Variants in FHAD1 observed in about 807,000 individuals in gnomAD.
FHAD1 encodes forkhead associated phosphopeptide binding domain 1.
Under a neutral mutation model 191.3 loss-of-function variants are expected in FHAD1, and 146 were observed. The observed-to-expected ratio is 0.76, with a 90% CI of 0.67 to 0.88. The LOEUF (loss-of-function observed/expected upper bound fraction) is 0.88. FHAD1 is among the 40% of genes least tolerant of loss of function. The pLI is 0.00. For synonymous variants in FHAD1, 616 were observed against 672.3 expected, an observed-to-expected ratio of 0.92 and a Z score of 1.29; for missense variants, 1,635 against 1,785.8, an observed-to-expected ratio of 0.92 and a Z score of 1.52.
chr1:15,359,721 C>T (rs554295503), intron 21 of FHAD1, among the ~76,000 whole-genome samples: 41 of 152,054 alleles, frequency 2.7e-4, no homozygotes, highest in East Asian at 5.8e-4. Flanking sequence ...GAGGCCGAGG[C>T]GGGCGGATCA....
chr1:15,268,566 G>A (rs12049276), intron 2 of FHAD1, among the ~76,000 whole-genome samples: 30,107 of 116,422 alleles, frequency 0.26, 3,684 homozygotes, highest in East Asian at 0.43. Flanking sequence ...CTGAGGAATC[G>A]CCACACTGAC....
intron 28 of FHAD1, among the ~76,000 whole-genome samples, chr1:15,376,436 C>G (rs1273156814): frequency 6.6e-6 from 1 of 152,190 alleles, no homozygotes; most frequent in Non-Finnish European, 1.5e-5. Flanking sequence ...GCTAATAGAT[C>G]ATGTTATGCC....
chr1:15,249,599 C>T (rs1016281633), intron 1 of FHAD1, among the ~76,000 whole-genome samples: 4 of 152,172 alleles, frequency 2.6e-5, no homozygotes, highest in African/African-American at 9.7e-5. Flanking sequence ...TCATAGGCTT[C>T]GGAATTTACA....
chr1:15,355,261 G>C (rs995195948), intron 20 of FHAD1, among the ~76,000 whole-genome samples: 8 of 151,706 alleles, frequency 5.3e-5, no homozygotes, highest in African/African-American at 1.5e-4. Context: ...AAGTAGACAG[G>C]TGACATTACC....
At chr1:15,389,450 A>AAAAAAAAAAAAAAAAAAAAAAAAAAAAC (rs1703268224) in intron 32 of FHAD1, among the ~76,000 whole-genome samples, 1 of 147,514 alleles carries the variant, frequency 6.8e-6, no homozygotes, top group African/African-American at 2.6e-5. Context: ...CCTGTCTCAA[A>AAAAAAAAAAAAAAAAAAAAAAAAAAAAC]AAAAAAAAAA....
At chr1:15,356,913 T>A (rs11582182) in intron 20 of FHAD1, among the ~76,000 whole-genome samples, 7,288 of 151,964 alleles carry the variant, frequency 0.048, 455 homozygotes, top group African/African-American at 0.14. Context: ...TTGCGTAGAA[T>A]GTCTCAATGT....
chr1:15,329,379 C>G lies in FHAD1; in HGVS notation c.1744C>G (p.Leu582Val). Residue 582 changes from leucine to valine, a missense_variant, in exon 14 of 34, where the codon CTG becomes GTG. Leu to Val is a conservative substitution (Grantham distance 32). Coordinates refer to ENST00000688493, the MANE Select transcript of FHAD1 (RefSeq NM_001391957.1). The surrounding 1 kb of genome is among the most constrained non-coding windows in gnomAD (Gnocchi z 5.0). ...CMKISCCSHD[L>V]KKEVDLLQHL... is the part of the protein sequence containing the mutation. The stretch of plus-strand genomic sequence containing the variant: ...GAAAATATCCTGTTGCAGCCATGAC[C>G]TGAAGAAGGAGGTCGACCTTCTTCA... The G allele has an allele frequency of 1.3e-6, 2 of 1,549,778 alleles. No individual in the cohort carries two copies. Among genetic ancestry groups the G allele is most frequent in the Non-Finnish European group, 8.7e-7 (1 of 1,145,674 alleles).
chr1:15,297,481 G>C (rs1416849587), intron 5 of FHAD1, among the ~76,000 whole-genome samples: 1 of 152,216 alleles, frequency 6.6e-6, no homozygotes, highest in Non-Finnish European at 1.5e-5. Context: ...TCTGTAAGGA[G>C]CAGAACCACC....
Position 15,329,325 on chromosome 1 carries a change from C to A in FHAD1, c.1711-21C>A. 1 of 1,527,212 alleles carries A rather than the reference C, an allele frequency of 6.5e-7. No individual in the cohort carries two copies. The highest frequency in any genetic ancestry group is 8.9e-7 in the Non-Finnish European group (1 of 1,129,316). 94.6% of individuals were successfully genotyped at this position (1,527,212 alleles called of 1,614,324 possible). A position where few individuals can be genotyped will look rare whatever the true frequency, so the allele number is the denominator to read the frequency against. On this transcript the variant is annotated intron_variant, in intron 13 of 33. Transcript: ENST00000688493. This position sits in a 1 kb window ranked among gnomAD's most constrained non-coding sequence, Gnocchi z 5.0. ...TTCTGGCCACAGGGCCTGGGCTCCT[C>A]ATGATCTCACCTCTTTGCAGGCTTG...
rs142406417 is a variant in FHAD1, at chr1:15,324,634, G to C, written c.1473+75G>C. 658 of 1,058,452 alleles carry C rather than the reference G, an allele frequency of 6.2e-4. 4 individuals are homozygous for C. In the African/African-American group the frequency reaches 9.5e-3, roughly 15 times the overall value. 65.6% of individuals were successfully genotyped at this position (1,058,452 alleles called of 1,614,324 possible). The stretch of plus-strand genomic sequence containing the variant: ...GCACCCAAGCAGCCAGTGGGGGTGA[G>C]AGAGGAGGACGCCCAAGGTAGAAAG... On this transcript the variant is annotated intron_variant, in intron 11 of 33. Transcript: ENST00000688493.
At chr1:15,255,660 G>A (rs1647678178) in intron 2 of FHAD1, among the ~76,000 whole-genome samples, 1 of 139,644 alleles carries the variant, frequency 7.2e-6, no homozygotes, top group Admixed American at 7.6e-5. Context: ...GATCTGCAGA[G>A]CCTGGATGGT....
chr1:15,289,730 T>A lies in FHAD1; in HGVS notation c.568+64T>A. ...TCACGGCCATGTGGATGGGTCTTGG[T>A]TTTGGTTTACTTTCTGATTCTAAAA... is the stretch of plus-strand genomic sequence containing the variant. On this transcript the variant is annotated intron_variant, in intron 4 of 33. Transcript: ENST00000688493. The surrounding 1 kb of genome is among the most constrained non-coding windows in gnomAD (Gnocchi z 4.2). The A allele has an allele frequency of 6.8e-7, 1 of 1,475,416 alleles. No individual in the cohort carries two copies. The highest frequency in any genetic ancestry group is 9.0e-7 in the Non-Finnish European group (1 of 1,108,874). The allele number at this position is 1,475,416 out of a possible 1,614,324, so 91.4% of individuals were successfully genotyped here.
chr1:15,246,850 G>A (rs1646101677), upstream of FHAD1, among the ~76,000 whole-genome samples: 1 of 152,038 alleles, frequency 6.6e-6, no homozygotes, highest in Non-Finnish European at 1.5e-5. Context: ...GCCTGTAACG[G>A]AAAGGACTAG....
chr1:15,377,730 G>C (rs558191096), intron 28 of FHAD1, among the ~76,000 whole-genome samples: 28 of 152,212 alleles, frequency 1.8e-4, no homozygotes, highest in African/African-American at 6.3e-4. Flanking sequence ...TACTCAGGAG[G>C]CTGAGGCTAG....
At chr1:15,270,566 A>G (rs1408882716) in intron 2 of FHAD1, among the ~76,000 whole-genome samples, 9 of 152,220 alleles carry the variant, frequency 5.9e-5, no homozygotes, top group Non-Finnish European at 1.5e-5. Flanking sequence ...TTACTCTAGT[A>G]TACATATTAA....
intron 2 of FHAD1, among the ~76,000 whole-genome samples, chr1:15,268,148 C>A (rs1241203248): frequency 8.7e-6 from 1 of 114,630 alleles, no homozygotes; most frequent in Non-Finnish European, 1.7e-5. Flanking sequence ...CTTCCCCCTC[C>A]CCCCACCCCA....
intron 22 of FHAD1, among the ~76,000 whole-genome samples, 154 bp from the exon 23 acceptor site, chr1:15,362,488 C>G (rs1270214978): frequency 1.3e-5 from 2 of 152,220 alleles, no homozygotes; most frequent in African/African-American, 4.8e-5. Context: ...GGGAGAGCCC[C>G]CAGCCTGTGA....
At chr1:15,246,498 G>A (rs1243452184), upstream of FHAD1, among the ~76,000 whole-genome samples, 1 of 100,384 alleles carries the variant, frequency 1.0e-5, no homozygotes, top group African/African-American at 3.0e-5. Flanking sequence ...CGGGAGATAG[G>A]ATTTGCACAT....
rs79890165 is a variant in FHAD1 at position 15,251,850 on chromosome 1, G to A, written c.66G>A (p.Arg22=). Residue 22 remains arginine (R), a synonymous_variant, in exon 2 of 34, where the codon AGG becomes AGA. Coordinates refer to ENST00000688493, the MANE Select transcript of FHAD1 (RefSeq NM_001391957.1). ...FVLNKSTTIG[R]HENSDLVLQS... The stretch of plus-strand genomic sequence containing the variant: ...TAAATAAAAGTACCACAATTGGAAG[G>A]CATGAAAATTCAGACCTTGTTTTAC... 1 of 1,552,306 alleles carries A rather than the reference G, an allele frequency of 6.4e-7. No individual in the cohort carries two copies. The highest frequency in any genetic ancestry group is 8.7e-7 in the Non-Finnish European group (1 of 1,147,126).
Sources: gnomAD v4.1 joint callset for allele counts (sites outside exome capture counted in the v4.1 genomes callset) on GRCh38, gnomAD v4.1.1 for gene constraint, Gnocchi (gnomAD v3.1) non-coding constraint, MANE v1.5 for transcripts, NCBI Gene and HGNC (gene_info 2026-07-23, HGNC 2026-07-21) for gene names.